The following CAST variants were observed in gnomAD, a reference collection of about 807,000 sequenced individuals.
The protein encoded by CAST is calpastatin.
CAST carries 76 observed loss-of-function variants against 119.6 expected under a neutral mutation model. That is an observed-to-expected ratio of 0.64 (90% CI 0.53 to 0.77). The LOEUF (loss-of-function observed/expected upper bound fraction) is 0.77, where lower values mean the gene tolerates loss of function less well. Ranked by LOEUF, CAST falls within the 30% of genes least tolerant of loss-of-function variation. The pLI is 0.00. For missense variants in CAST, 953 were observed against 946.5 expected (o/e 1.01, Z -0.09); for synonymous variants, 319 against 331.6 (o/e 0.96, Z 0.41).
chr5:96,662,352 G>T (rs1748645892), upstream of CAST: 1 of 1,167,866 alleles, frequency 8.6e-7, no homozygotes, highest in Non-Finnish European at 1.0e-6. Flanking sequence ...TCCCTGGCAG[G>T]ACTCCCCGCC....
chr5:96,199,057 T>C, the CAST span, among the ~76,000 whole-genome samples: 41 of 152,282 alleles, frequency 2.7e-4, no homozygotes, highest in Non-Finnish European at 5.4e-4. Flanking sequence ...TTTTCTATAA[T>C]CTCTTTGATA....
At chr5:96,702,820 G>C (rs1754120289) in intron 3 of CAST, 4 of 985,356 alleles carry the variant, frequency 4.1e-6, no homozygotes, top group Admixed American at 6.1e-5. Flanking sequence ...AGCTGGGCTG[G>C]AGCTCCAAGC....
chr5:96,011,298 A>G, the CAST span, among the ~76,000 whole-genome samples: 1 of 152,226 alleles, frequency 6.6e-6, no homozygotes, highest in Non-Finnish European at 1.5e-5. Context: ...AGGATCATGA[A>G]GAGATAGAGA....
chr5:96,236,085 C>G, the CAST span, among the ~76,000 whole-genome samples: 1 of 118,506 alleles, frequency 8.4e-6, no homozygotes, highest in African/African-American at 3.0e-5. Flanking sequence ...ATCTCTATGT[C>G]TGTCTGTCTA....
chr5:96,187,992 T>C, the CAST span, among the ~76,000 whole-genome samples: 4 of 152,198 alleles, frequency 2.6e-5, no homozygotes, highest in Non-Finnish European at 5.9e-5. Flanking sequence ...ACCCAAGGGA[T>C]GGCATCACCT....
chr5:96,056,924 T>A, the CAST span, among the ~76,000 whole-genome samples: 1 of 152,034 alleles, frequency 6.6e-6, no homozygotes, highest in African/African-American at 2.4e-5. Context: ...ATTACAAAAA[T>A]TTTTTTAGAC....
chr5:96,256,370 AAT>A, the CAST span, among the ~76,000 whole-genome samples: 75,442 of 147,278 alleles, frequency 0.51, 20,343 homozygotes, highest in African/African-American at 0.67. Context: ...AATATACAGT[AAT>A]ATATATATAT....
At chr5:96,114,068 TA>T in the CAST span, among the ~76,000 whole-genome samples, 1 of 152,166 alleles carries the variant, frequency 6.6e-6, no homozygotes, top group Non-Finnish European at 1.5e-5. Flanking sequence ...ACAATAAGTG[TA>T]TGAAAATAAA....
At chr5:96,248,778 AAG>A in the CAST span, among the ~76,000 whole-genome samples, 1 of 152,258 alleles carries the variant, frequency 6.6e-6, no homozygotes, top group South Asian at 2.1e-4. Flanking sequence ...GCAAAGTTCT[AAG>A]AGAAAAGTTT....
chr5:96,241,508 A>G, the CAST span, among the ~76,000 whole-genome samples: 65 of 149,804 alleles, frequency 4.3e-4, no homozygotes, highest in Middle Eastern at 6.9e-3. Context: ...ATTGTGAATA[A>G]TGCCGCAATA....
At chr5:96,533,255 G>C (rs1745723876) in intron 1 of CAST, among the ~76,000 whole-genome samples, 1 of 152,048 alleles carries the variant, frequency 6.6e-6, no homozygotes, top group Admixed American at 6.5e-5. Context: ...TGTGCTGTAA[G>C]AAAACAAAGA....
chr5:96,419,491 A>G, the CAST span, among the ~76,000 whole-genome samples: 2 of 150,688 alleles, frequency 1.3e-5, no homozygotes, highest in Non-Finnish European at 3.0e-5. Flanking sequence ...TCAAGGAAGT[A>G]GAGATTCTTT....
chr5:96,424,062 TAGTC>T, the CAST span, among the ~76,000 whole-genome samples: 1,479 of 152,278 alleles, frequency 9.7e-3, 27 homozygotes, highest in African/African-American at 0.034. Context: ...CATTTTCTGA[TAGTC>T]AGAGTGTGGG....
the CAST span, chr5:96,408,114 G>C: frequency 1.3e-6 from 1 of 755,596 alleles, no homozygotes; most frequent in South Asian, 1.5e-5. Flanking sequence ...ATCTTTATTT[G>C]CAGTATTCCA....
the CAST span, among the ~76,000 whole-genome samples, chr5:96,072,796 C>G: frequency 1.6e-4 from 24 of 152,294 alleles, no homozygotes; most frequent in African/African-American, 5.5e-4. Flanking sequence ...CTTTATCTCT[C>G]TCTTTGGTTA....
At chr5:96,429,359 A>G in the CAST span, 20 of 1,099,452 alleles carry the variant, frequency 1.8e-5, no homozygotes, top group Non-Finnish European at 2.8e-5. Context: ...ACGTTCCCAA[A>G]CAAGTATATA....
chr5:96,328,998 T>C, the CAST span, among the ~76,000 whole-genome samples: 1 of 152,256 alleles, frequency 6.6e-6, no homozygotes, highest in Non-Finnish European at 1.5e-5. Context: ...ATGAATTCTT[T>C]TTCTCCAACC....
the CAST span, among the ~76,000 whole-genome samples, chr5:95,995,530 T>C: frequency 6.6e-6 from 1 of 152,102 alleles, no homozygotes; most frequent in African/African-American, 2.4e-5. Flanking sequence ...CGCTGAAATT[T>C]GTATGTGGAA....
At chr5:96,025,542 T>C in the CAST span, among the ~76,000 whole-genome samples, 3 of 152,190 alleles carry the variant, frequency 2.0e-5, no homozygotes, top group African/African-American at 7.2e-5. Context: ...ATCTTCTATG[T>C]GCAAAACATG....
Sources: gnomAD v4.1 joint callset for allele counts (sites outside exome capture counted in the v4.1 genomes callset) on GRCh38, gnomAD v4.1.1 for gene constraint, MANE v1.5 for transcripts, NCBI Gene and HGNC (gene_info 2026-07-23, HGNC 2026-07-21) for gene names.